PON3: variants seen among roughly 807,000 people sequenced by gnomAD.
PON3 encodes paraoxonase 3.
Under a neutral mutation model 36.3 loss-of-function variants are expected in PON3, and 37 were observed. The observed-to-expected ratio is 1.02, with a 90% CI of 0.78 to 1.34. The LOEUF (loss-of-function observed/expected upper bound fraction) is 1.34, where lower values mean the gene tolerates loss of function less well. Among genes scored for constraint, PON3 ranks in the 40% most tolerant of loss-of-function variants. The pLI is 0.00. For missense variants in PON3, 415 were observed against 426.5 expected (o/e 0.97, Z 0.24); for synonymous variants, 155 against 154.8 (o/e 1.00, Z -0.01).
intron 3 of PON3, among the ~76,000 whole-genome samples, chr7:95,384,702 G>A (rs957735051): frequency 2.6e-5 from 4 of 152,130 alleles, no homozygotes; most frequent in Non-Finnish European, 4.4e-5. Flanking sequence ...GGAAACAACA[G>A]GGCTAGAGAG....
At position 95,363,899 on chromosome 7, in the gene PON3, C is replaced by T. The variant is rs752554236; in HGVS notation, c.659G>A (p.Cys220Tyr). The T allele has an allele frequency of 3.7e-6, 6 of 1,613,718 alleles. No individual in the cohort carries two copies. The highest frequency in any genetic ancestry group is 1.3e-5 in the African/African-American group (1 of 75,036). ...TGAGACTGTGATCCCATTGGCACTA[C>T]AAAATCCTTTGGCCACCACTTTAAC... ...REVKVVAKGF[C>Y]SANGITVSAD... The change falls in exon 6 of 9, where the codon TGT (cysteine) becomes TAT (tyrosine). Residue 220 changes from cysteine to tyrosine, a missense_variant. Cys to Tyr is a radical substitution (Grantham distance 194). Coordinates refer to ENST00000265627, the MANE Select transcript of PON3 (RefSeq NM_000940.3).
At chr7:95,379,374 C>T (rs774750251) in intron 3 of PON3, among the ~76,000 whole-genome samples, 7 of 152,198 alleles carry the variant, frequency 4.6e-5, no homozygotes, top group Non-Finnish European at 8.8e-5. Context: ...GTGGGTGCAG[C>T]GCACCGAGTG....
chr7:95,370,648 T>G (rs1808790246), intron 4 of PON3, among the ~76,000 whole-genome samples: 1 of 152,330 alleles, frequency 6.6e-6, no homozygotes, highest in South Asian at 2.1e-4. Context: ...GTTTCCCTGT[T>G]CTTAATTTTC....
Position 95,372,220 on chromosome 7 carries a change from T to G in PON3, c.320A>C (p.Asp107Ala). The G allele has an allele frequency of 6.2e-7, 1 of 1,613,926 alleles. No individual in the cohort carries two copies. Residue 107 changes from aspartate to alanine, a missense_variant, in exon 4 of 9, where the codon GAC (aspartate) becomes GCC (alanine). Transcript: ENST00000265627. ...AQALEISGGF[D>A]KELFNPHGIS... is the part of the protein sequence containing the mutation. ...CCCATGTGGATTAAATAATTCTTTG[T>G]CAAATCCACCACTGATTTCTAGCGC...
chr7:95,360,619 CT>C (rs559145418), intron 8 of PON3, among the ~76,000 whole-genome samples: 72 of 152,168 alleles, frequency 4.7e-4, no homozygotes, highest in Non-Finnish European at 9.0e-4. Context: ...ATGGATACTA[CT>C]TTGGAATTTC....
intron 3 of PON3, among the ~76,000 whole-genome samples, chr7:95,373,072 C>A (rs769965663): frequency 6.6e-6 from 1 of 152,148 alleles, no homozygotes; most frequent in African/African-American, 2.4e-5. Flanking sequence ...CTGTGACAAA[C>A]CTTGGGGTTG....
At chr7:95,370,170 G>C (rs147756994) in intron 4 of PON3, among the ~76,000 whole-genome samples, 3 of 152,268 alleles carry the variant, frequency 2.0e-5, no homozygotes, top group African/African-American at 7.2e-5. Flanking sequence ...AGAACAATAT[G>C]AAAAATTTGA....
At chr7:95,371,327 G>T (rs954347331) in intron 4 of PON3, among the ~76,000 whole-genome samples, 5 of 150,156 alleles carry the variant, frequency 3.3e-5, no homozygotes, top group African/African-American at 1.3e-4. Flanking sequence ...CAGAGTTGCT[G>T]GATTGTGTGG....
Position 95,396,370 on chromosome 7 carries a change from G to A in PON3, c.-20C>T, listed in dbSNP as rs1275949672. 30 of 1,612,884 alleles carry A rather than the reference G, an allele frequency of 1.9e-5. No homozygotes were observed. The highest frequency in any genetic ancestry group is 2.5e-5 in the Non-Finnish European group (29 of 1,179,412). On this transcript the variant is annotated 5_prime_UTR_variant, in exon 1 of 9. Transcript: ENST00000265627. ...CCCCATGGTCTCGGGGTGCCCAGCG[G>A]CGACTGCGCGGCGCCGAGAGCTCTC...
chr7:95,376,831 A>G (rs918139895), intron 3 of PON3, among the ~76,000 whole-genome samples: 1 of 152,212 alleles, frequency 6.6e-6, no homozygotes, highest in African/African-American at 2.4e-5. Context: ...AGTGAGATCA[A>G]CACAGAAGAC....
At chr7:95,381,714 A>T (rs1044254736) in intron 3 of PON3, among the ~76,000 whole-genome samples, 4 of 152,188 alleles carry the variant, frequency 2.6e-5, no homozygotes, top group African/African-American at 9.6e-5. Flanking sequence ...AAGTCCTTAG[A>T]GACCTACAAA....
In PON3 at chr7:95,396,356, C is replaced by A; in HGVS notation, c.-6G>T. 1 of 1,613,526 alleles carries A rather than the reference C, an allele frequency of 6.2e-7. No homozygotes were observed. The highest frequency in any genetic ancestry group is 8.5e-7 in the Non-Finnish European group (1 of 1,179,708). On this transcript the variant is annotated 5_prime_UTR_variant, in exon 1 of 9. Coordinates refer to ENST00000265627, the MANE Select transcript of PON3 (RefSeq NM_000940.3). ...AGCGCCACGAGCTTCCCCATGGTCTCGGGGTGCCCAGCGGCGACTGCGCGG... is the reference window on the plus strand; with the variant it reads ...AGCGCCACGAGCTTCCCCATGGTCTAGGGGTGCCCAGCGGCGACTGCGCGG...
intron 3 of PON3, among the ~76,000 whole-genome samples, chr7:95,374,449 A>T (rs1346547124): frequency 6.6e-6 from 1 of 151,724 alleles, no homozygotes; most frequent in Non-Finnish European, 1.5e-5. Context: ...TTGCTTTACC[A>T]CTCATTTTTC....
chr7:95,366,545 GT>G (rs1207475218), intron 5 of PON3, among the ~76,000 whole-genome samples: 1 of 152,162 alleles, frequency 6.6e-6, no homozygotes, highest in Non-Finnish European at 1.5e-5. Flanking sequence ...ACAATTTACT[GT>G]TTTGGAGCCA....
intron 3 of PON3, among the ~76,000 whole-genome samples, chr7:95,387,355 C>T (rs1809219294): frequency 6.6e-6 from 1 of 151,592 alleles, no homozygotes; most frequent in African/African-American, 2.4e-5. Context: ...GACAGAGAGC[C>T]AATCATGAGT....
intron 3 of PON3, among the ~76,000 whole-genome samples, chr7:95,389,690 G>A (rs543797589): frequency 3.3e-5 from 5 of 152,262 alleles, no homozygotes; most frequent in South Asian, 2.1e-4. Flanking sequence ...AAGATGGAAC[G>A]TGTTTAGAGT....
rs537247841 is a variant in PON3 at position 95,391,602 on chromosome 7, A to G, written c.146-1393T>C. Among the ~76,000 whole-genome samples, 17 of 152,244 alleles carry G rather than the reference A, an allele frequency of 1.1e-4. No individual in the cohort carries two copies. The South Asian group carries it at 1.9e-3, about 17-fold the overall frequency. On this transcript the variant is annotated intron_variant, in intron 2 of 8. Transcript: ENST00000265627. ...AGAGTTTCTTCTACCAATAAAATAA[A>G]CCTCAAAAGTCTGGGTCTTGAAAAC...
At chr7:95,388,987 T>C (rs1358198824) in intron 3 of PON3, among the ~76,000 whole-genome samples, 3 of 151,984 alleles carry the variant, frequency 2.0e-5, no homozygotes, top group Non-Finnish European at 2.9e-5. Context: ...ATACCTAATG[T>C]AAATGACAAG....
chr7:95,369,578 CA>C (rs2116386416), intron 4 of PON3, among the ~76,000 whole-genome samples: 1 of 152,188 alleles, frequency 6.6e-6, no homozygotes, highest in Non-Finnish European at 1.5e-5. Flanking sequence ...AGTTCGAGAC[CA>C]GCCTGGCCAA....
Sources: allele counts gnomAD v4.1 joint callset (sites outside exome capture counted in the v4.1 genomes callset), GRCh38; gene constraint gnomAD v4.1.1; transcripts MANE v1.5; gene names NCBI Gene and HGNC (gene_info 2026-07-23, HGNC 2026-07-21).